Variants in ERFL observed in about 807,000 individuals in gnomAD.
ERFL encodes ETS repressor factor like, also known as ETS domain-containing transcription factor ERF-like.
ERFL carries 8 observed loss-of-function variants against 27.9 expected under a neutral mutation model. The ratio of observed to expected loss-of-function variants is 0.29; its 90% CI spans 0.17 to 0.52. The LOEUF (loss-of-function observed/expected upper bound fraction) is 0.52. Ranked by LOEUF, ERFL falls within the 20% of genes least tolerant of loss-of-function variation. ERFL has a pLI of 0.97. For synonymous variants in ERFL, 174 were observed against 202.8 expected, an observed-to-expected ratio of 0.86 and a Z score of 1.21; for missense variants, 294 against 444.4, an observed-to-expected ratio of 0.66 and a Z score of 3.04.
At chr19:41,912,784 A>T (rs1311096542) in intron 2 of ERFL, 69 bp downstream of exon 2, 4 of 262,354 alleles carry the variant, frequency 1.5e-5, no homozygotes, top group Non-Finnish European at 2.1e-5. Flanking sequence ...CACGGAGAGA[A>T]GGGGGATGCG....
chr19:41,915,314 C>T (rs1304736312), intron 1 of ERFL, among the ~76,000 whole-genome samples: 5 of 151,660 alleles, frequency 3.3e-5, no homozygotes, highest in Non-Finnish European at 7.4e-5. Context: ...ATCTCGCAGT[C>T]TCTGTGCCCA....
At chr19:41,913,131 G>T (rs2074764048) in intron 1 of ERFL, among the ~76,000 whole-genome samples, 199 bp from the exon 2 acceptor site, 1 of 150,232 alleles carries the variant, frequency 6.7e-6, no homozygotes, top group South Asian at 2.1e-4. Context: ...CCGAGACCCC[G>T]TTCCTTCCCT....
In ERFL at chr19:41,908,457, G is replaced by C. The variant is rs1236438658; in HGVS notation, c.836C>G (p.Ala279Gly). 8.1e-7 allele frequency: 1 copy of C among 1,231,240 alleles called. No homozygotes were observed. 76.3% of individuals were successfully genotyped at this position (1,231,240 alleles called of 1,614,324 possible). ...GGGGCCCAGGCCCTCCCCTGTCGAG[G>C]CCAGCAGGGGCGTGGCTGTGGGGCC... Reference protein sequence around the residue: ...GGGPTATPLLASTGEGLGPER... With the variant: ...GGGPTATPLLGSTGEGLGPER... The change falls in exon 6 of 6, where the codon GCC becomes GGC. Residue 279 changes from alanine to glycine, a missense_variant. Physicochemically the swap from Ala to Gly is moderately conservative, Grantham distance 60. Around this residue, in one of 3 missense-constraint regions of ERFL, gnomAD observed 246 missense variants for 371.4 expected, o/e 0.66. Coordinates refer to ENST00000597630, the MANE Select transcript of ERFL (RefSeq NM_001365103.2). The surrounding 1 kb of genome is among the most constrained non-coding windows in gnomAD (Gnocchi z 6.7).
At chr19:41,915,956 C>G (rs559947959) in intron 1 of ERFL, among the ~76,000 whole-genome samples, 1 of 151,800 alleles carries the variant, frequency 6.6e-6, no homozygotes, top group African/African-American at 2.4e-5. Flanking sequence ...CGCCGGCCGG[C>G]GTGGTGCGGA....
chr19:41,924,696 C>T (rs1398457811), intron 1 of ERFL, among the ~76,000 whole-genome samples: 1 of 151,870 alleles, frequency 6.6e-6, no homozygotes, highest in Non-Finnish European at 1.5e-5. Context: ...CTGTGCAGTG[C>T]GGGGAGCAGG....
Position 41,910,757 on chromosome 19 carries a change from CAT to C in ERFL, c.68-662_68-661del, listed in dbSNP as rs1253796755. On this transcript the variant is annotated intron_variant, in intron 2 of 5. Coordinates refer to ENST00000597630, the MANE Select transcript of ERFL (RefSeq NM_001365103.2). The surrounding 1 kb of genome is among the most constrained non-coding windows in gnomAD (Gnocchi z 4.4). ...TGGACACACACATGCCCACGGAAGA[CAT>C]GTCACACAGACATCAGTTCACTTGC... 6.6e-6 allele frequency among the ~76,000 whole-genome samples: 1 copy of C among 152,168 alleles called. No individual in the cohort carries two copies. Among genetic ancestry groups the C allele is most frequent in the Non-Finnish European group, 1.5e-5 (1 of 68,040 alleles).
chr19:41,911,098 G>A (rs2074749001), intron 2 of ERFL, among the ~76,000 whole-genome samples: 1 of 152,132 alleles, frequency 6.6e-6, no homozygotes, highest in Admixed American at 6.5e-5. Flanking sequence ...TGTCAGTAGA[G>A]CAACTTCCCA....
chr19:41,907,840 A>C lies in ERFL; in HGVS notation c.*388T>G. On this transcript the variant is annotated 3_prime_UTR_variant, in exon 6 of 6. Coordinates refer to ENST00000597630, the MANE Select transcript of ERFL (RefSeq NM_001365103.2). Reference sequence around the variant, plus strand: ...TTATTGCTCTGAGCTCCCTGTCCCCAGGGGGGCCTATATGGGGGGGGTGTC... The same window carrying C: ...TTATTGCTCTGAGCTCCCTGTCCCCCGGGGGGCCTATATGGGGGGGGTGTC... 1 of 141,610 alleles carries C rather than the reference A, an allele frequency of 7.1e-6. No individual in the cohort carries two copies. The highest frequency in any genetic ancestry group is 1.2e-5 in the Non-Finnish European group (1 of 81,332). The allele number at this position is 141,610 out of a possible 1,614,324, so 8.8% of individuals were successfully genotyped here. A position where few individuals can be genotyped will look rare whatever the true frequency, so the allele number is the denominator to read the frequency against.
rs376215389 is a variant in ERFL, at chr19:41,921,082, AGCCGCAGT to A, written c.-14+6950_-14+6957del. ...GAGGGAGCGTCCCCGGGGAGGTGGGAGCCGCAGTGCCACGCACCCCGCCTACCAAACAG... is the reference window on the plus strand; with the variant it reads ...GAGGGAGCGTCCCCGGGGAGGTGGGAGCCACGCACCCCGCCTACCAAACAG... On this transcript the variant is annotated intron_variant, in intron 1 of 5. Transcript: ENST00000597630. The surrounding 1 kb of genome is among the most constrained non-coding windows in gnomAD (Gnocchi z 4.4). Among the ~76,000 whole-genome samples, 7 of 151,746 alleles carry A rather than the reference AGCCGCAGT, an allele frequency of 4.6e-5. 1 individual carries two copies. The highest frequency in any genetic ancestry group is 1.7e-4 in the African/African-American group (7 of 41,324).
rs1312225686 is a variant in ERFL at position 41,913,365 on chromosome 19, C to T, written c.-13-433G>A. On this transcript the variant is annotated intron_variant, in intron 1 of 5. Transcript: ENST00000597630. ...CCCGGGTCGGTCGGTCCCTGCGTCTCTGGGTCTCCCTCTGTCTCTCTCTCT... is the reference window on the plus strand; with the variant it reads ...CCCGGGTCGGTCGGTCCCTGCGTCTTTGGGTCTCCCTCTGTCTCTCTCTCT... 2.0e-5 allele frequency among the ~76,000 whole-genome samples: 3 copies of T among 151,738 alleles called. No individual in the cohort carries two copies. The South Asian group carries it at 6.3e-4, about 32-fold the overall frequency.
At chr19:41,918,314 ACAC>A (rs1343485649) in intron 1 of ERFL, among the ~76,000 whole-genome samples, 3 of 151,470 alleles carry the variant, frequency 2.0e-5, no homozygotes, top group Non-Finnish European at 2.9e-5. Context: ...CTAGCCCCAC[ACAC>A]CACATACACA....
At chr19:41,912,126 G>A (rs536932519) in intron 2 of ERFL, among the ~76,000 whole-genome samples, 1 of 152,136 alleles carries the variant, frequency 6.6e-6, no homozygotes, top group African/African-American at 2.4e-5. Flanking sequence ...ATGCGGACAC[G>A]CCCAGCCCAG....
chr19:41,908,957 G>GC lies in ERFL; in HGVS notation c.616+102dup. 1.4e-6 allele frequency: 1 copy of GC among 726,002 alleles called. No homozygotes were observed. Among genetic ancestry groups the GC allele is most frequent in the Non-Finnish European group, 1.9e-6 (1 of 526,678 alleles). The allele number at this position is 726,002 out of a possible 1,614,324, so 45.0% of individuals were successfully genotyped here. A position where few individuals can be genotyped will look rare whatever the true frequency, so the allele number is the denominator to read the frequency against. On this transcript the variant is annotated intron_variant, in intron 5 of 5. Transcript: ENST00000597630. This position sits in a 1 kb window ranked among gnomAD's most constrained non-coding sequence, Gnocchi z 6.7. ...CACACACCCTACAACCTGGCCCTGG[G>GC]CCCCCTTCCCCATCTCTTCTCTTGT...
At chr19:41,925,070 CTG>C (rs1269586215) in intron 1 of ERFL, among the ~76,000 whole-genome samples, 1 of 152,098 alleles carries the variant, frequency 6.6e-6, no homozygotes, top group Non-Finnish European at 1.5e-5. Context: ...AGGTGCATGT[CTG>C]TGGGACAGGG....
In ERFL at chr19:41,909,597, TCACAGAAGTC is replaced by T; in HGVS notation, c.303-136_303-127del. ...CACTAGAACTTGGGGAAACTGAGGC[TCACAGAAGTC>T]CCTTAATAGGGATCACAGGGCAAGG... On this transcript the variant is annotated intron_variant, in intron 3 of 5. Coordinates refer to ENST00000597630, the MANE Select transcript of ERFL (RefSeq NM_001365103.2). This position sits in a 1 kb window ranked among gnomAD's most constrained non-coding sequence, Gnocchi z 5.2. The T allele has an allele frequency of 2.4e-6, 2 of 848,474 alleles. No individual in the cohort carries two copies. Among genetic ancestry groups the T allele is most frequent in the Non-Finnish European group, 3.4e-6 (2 of 596,546 alleles). The allele number at this position is 848,474 out of a possible 1,614,324, so 52.6% of individuals were successfully genotyped here.
intron 1 of ERFL, among the ~76,000 whole-genome samples, chr19:41,915,680 C>T (rs1300954708): frequency 6.6e-6 from 1 of 151,978 alleles, no homozygotes; most frequent in African/African-American, 2.4e-5. Context: ...TCTCTGTCTC[C>T]ATGTCTCCAT....
intron 1 of ERFL, among the ~76,000 whole-genome samples, chr19:41,926,966 GAGATGCCGAGAAAGGAAGAGAGAGAGAT>G (rs1240437213): frequency 1.1e-4 from 16 of 152,074 alleles, no homozygotes; most frequent in East Asian, 3.9e-4. Context: ...GAGATAGAAA[GAGATGCCGAGAAAGGAAGAGAGAGAGAT>G]AGATGCCGAG....
intron 1 of ERFL, among the ~76,000 whole-genome samples, chr19:41,926,786 C>T (rs1425750709): frequency 6.6e-6 from 1 of 152,176 alleles, no homozygotes; most frequent in East Asian, 1.9e-4. Context: ...ATCTCCAGAG[C>T]GACCGATCGA....
rs2074810841 is a variant in ERFL at position 41,917,768 on chromosome 19, G to C, written c.-13-4836C>G. 6.6e-6 allele frequency among the ~76,000 whole-genome samples: 1 copy of C among 151,742 alleles called. No individual in the cohort carries two copies. The highest frequency in any genetic ancestry group is 1.5e-5 in the Non-Finnish European group (1 of 67,936). The stretch of plus-strand genomic sequence containing the variant: ...GTAGGACACATCTGTGCACACAGTA[G>C]AGACCCACAGTGACACCCACTAGTA... On this transcript the variant is annotated intron_variant, in intron 1 of 5. Coordinates refer to ENST00000597630, the MANE Select transcript of ERFL (RefSeq NM_001365103.2). This position sits in a 1 kb window ranked among gnomAD's most constrained non-coding sequence, Gnocchi z 4.8.
Sources: gnomAD v4.1 joint callset for allele counts (sites outside exome capture counted in the v4.1 genomes callset) on GRCh38, gnomAD v4.1.1 for gene constraint, gnomAD v4.1.1 regional missense constraint, Gnocchi (gnomAD v3.1) non-coding constraint, MANE v1.5 for transcripts, NCBI Gene and HGNC (gene_info 2026-07-23, HGNC 2026-07-21) for gene names.